The following PTPN9 variants were observed in gnomAD, a reference collection of about 807,000 sequenced individuals.
PTPN9 encodes protein tyrosine phosphatase non-receptor type 9.
A neutral mutation model predicts 69.8 loss-of-function variants in PTPN9; 26 were observed. The observed-to-expected ratio is 0.37, with a 90% CI of 0.27 to 0.52. The LOEUF is 0.52. Among genes scored for constraint, PTPN9 ranks in the 20% least tolerant of loss-of-function variants. The pLI, the probability that PTPN9 is intolerant of heterozygous loss-of-function variation, is 0.91. For missense variants in PTPN9, 549 were observed against 740.3 expected (o/e 0.74, Z 3.00); for synonymous variants, 274 against 272.5 (o/e 1.01, Z -0.05).
rs377078150 is a variant in PTPN9, at chr15:75,546,743, C to T, written c.64-19482G>A. ...GTGGGCACAGAAAGCCTGATAAATT[C>T]TTGTGGACAGTTTCATCCTAAAATG... On this transcript the variant is annotated intron_variant, in intron 1 of 12. Transcript: ENST00000618819. Among the ~76,000 whole-genome samples, 10 of 151,926 alleles carry T rather than the reference C, an allele frequency of 6.6e-5. No individual in the cohort carries two copies. In the East Asian group the frequency reaches 1.5e-3, roughly 23 times the overall value.
intron 10 of PTPN9, among the ~76,000 whole-genome samples, chr15:75,471,810 G>A (rs898780909): frequency 1.2e-4 from 19 of 152,056 alleles, no homozygotes; most frequent in Non-Finnish European, 2.1e-4. Context: ...AGCTACTTGG[G>A]AGGCTGAGGC....
In PTPN9 at chr15:75,468,688, A is replaced by G; in HGVS notation, c.*81T>C. ...GAAGTTGATCCATGGCTTCAGCGTA[A>G]CTGATGGCAACCTATAGGCTCAGCG... On this transcript the variant is annotated 3_prime_UTR_variant, in exon 13 of 13. Transcript: ENST00000618819. 1.6e-6 allele frequency: 2 copies of G among 1,280,472 alleles called. No individual in the cohort carries two copies. The highest frequency in any genetic ancestry group is 4.7e-5 in the East Asian group (2 of 42,912). The allele number at this position is 1,280,472 out of a possible 1,614,324, so 79.3% of individuals were successfully genotyped here.
intron 5 of PTPN9, chr15:75,512,663 G>C (rs1447466033): frequency 6.4e-6 from 1 of 156,146 alleles, no homozygotes; most frequent in African/African-American, 2.4e-5. Context: ...ACGACTTACT[G>C]AACTGACAGT....
At chr15:75,551,533 T>C (rs1341292393) in intron 1 of PTPN9, among the ~76,000 whole-genome samples, 2 of 152,188 alleles carry the variant, frequency 1.3e-5, no homozygotes, top group African/African-American at 4.8e-5. Flanking sequence ...CTAATTTTTC[T>C]ATTTTTAGTA....
chr15:75,477,948 C>A (rs1015723932), intron 9 of PTPN9, among the ~76,000 whole-genome samples: 1 of 147,852 alleles, frequency 6.8e-6, no homozygotes, highest in African/African-American at 2.5e-5. Context: ...TCAAGCAATT[C>A]TCCTGCCTCA....
chr15:75,559,791 AAG>A (rs1182552919), intron 1 of PTPN9, among the ~76,000 whole-genome samples: 24 of 149,338 alleles, frequency 1.6e-4, no homozygotes, highest in Admixed American at 1.2e-3. Flanking sequence ...AAAAAGAAGA[AAG>A]AAAATATTTG....
intron 5 of PTPN9, among the ~76,000 whole-genome samples, chr15:75,516,669 A>G (rs1321125387): frequency 6.6e-6 from 1 of 151,448 alleles, no homozygotes; most frequent in African/African-American, 2.4e-5. Context: ...CAGATTCCCA[A>G]AGTGCTGGGA....
intron 1 of PTPN9, among the ~76,000 whole-genome samples, chr15:75,567,076 C>T (rs58079156): frequency 3.4e-5 from 5 of 148,778 alleles, no homozygotes; most frequent in South Asian, 2.1e-4. Flanking sequence ...AGTGCAGTGG[C>T]GTGATCTCGG....
intron 1 of PTPN9, 107 bp downstream of exon 1, chr15:75,578,607 G>A (rs1277031171): frequency 2.1e-6 from 2 of 937,924 alleles, no homozygotes; most frequent in Non-Finnish European, 2.8e-6. Flanking sequence ...ACGGGAGCGG[G>A]GGGCTGCGGC....
rs73436871 is a variant in PTPN9 at position 75,524,925 on chromosome 15, A to G, written c.208-627T>C. On this transcript the variant is annotated intron_variant, in intron 2 of 12. Coordinates refer to ENST00000618819, the MANE Select transcript of PTPN9 (RefSeq NM_002833.4). ...AAGCTACTTTATCAGCCCCTCAGGT[A>G]GGGTATTTTTCTCTGACTCAGTAAG... is the stretch of plus-strand genomic sequence containing the variant. Among the ~76,000 whole-genome samples, 644 of 152,006 alleles carry G rather than the reference A, an allele frequency of 4.2e-3. 3 individuals carry two copies. The highest frequency in any genetic ancestry group is 0.014 in the African/African-American group (598 of 41,468).
intron 1 of PTPN9, among the ~76,000 whole-genome samples, chr15:75,558,114 G>A (rs2075085342): frequency 6.6e-6 from 1 of 152,178 alleles, no homozygotes; most frequent in Non-Finnish European, 1.5e-5. Context: ...CGGATCACGA[G>A]GTCGAGAAAT....
At chr15:75,504,208 C>T (rs1368277289) in intron 7 of PTPN9, among the ~76,000 whole-genome samples, 1 of 69,708 alleles carries the variant, frequency 1.4e-5, no homozygotes. Context: ...GGAGGGAGGT[C>T]GGGGGGGTCA....
chr15:75,565,156 A>T (rs894700389), intron 1 of PTPN9, among the ~76,000 whole-genome samples: 1 of 148,436 alleles, frequency 6.7e-6, no homozygotes, highest in African/African-American at 2.5e-5. Context: ...ATAATTTTTT[A>T]AAAGCTAAAT....
chr15:75,578,638 G>A, intron 1 of PTPN9, 76 bp downstream of exon 1: 1 of 1,165,572 alleles, frequency 8.6e-7, no homozygotes. Flanking sequence ...CAAAGAGCCG[G>A]CACTCGGGAG....
intron 1 of PTPN9, among the ~76,000 whole-genome samples, chr15:75,530,235 A>G (rs1035924251): frequency 7.0e-6 from 1 of 142,674 alleles, no homozygotes; most frequent in African/African-American, 2.6e-5. Flanking sequence ...AAAGAAAGAA[A>G]GAAAGAAAAA....
intron 1 of PTPN9, among the ~76,000 whole-genome samples, chr15:75,537,851 G>A (rs1352738436): frequency 6.6e-6 from 1 of 151,316 alleles, no homozygotes; most frequent in African/African-American, 2.4e-5. Flanking sequence ...CTGAGGTCAG[G>A]CGTTCAAGAC....
At chr15:75,575,309 A>T (rs912093635) in intron 1 of PTPN9, among the ~76,000 whole-genome samples, 2 of 152,118 alleles carry the variant, frequency 1.3e-5, no homozygotes, top group Non-Finnish European at 2.9e-5. Flanking sequence ...ACACAGGCCA[A>T]AAAGGGCCTA....
At chr15:75,543,591 T>C (rs1035646284) in intron 1 of PTPN9, among the ~76,000 whole-genome samples, 2 of 152,158 alleles carry the variant, frequency 1.3e-5, no homozygotes, top group Admixed American at 6.6e-5. Context: ...AAAATTACTC[T>C]GGAAGAATAA....
intron 8 of PTPN9, among the ~76,000 whole-genome samples, chr15:75,483,643 G>A (rs1168531762): frequency 2.0e-5 from 3 of 152,198 alleles, no homozygotes; most frequent in African/African-American, 7.2e-5. Flanking sequence ...GCACAACTCT[G>A]TGAATATACT....
Sources: gnomAD v4.1 joint callset for allele counts (sites outside exome capture counted in the v4.1 genomes callset) on GRCh38, gnomAD v4.1.1 for gene constraint, MANE v1.5 for transcripts, NCBI Gene and HGNC (gene_info 2026-07-23, HGNC 2026-07-21) for gene names.